Variants in BTBD10 observed in about 807,000 individuals in gnomAD.
The protein encoded by BTBD10 is BTB/POZ domain-containing protein 10.
Under a neutral mutation model 53.2 loss-of-function variants are expected in BTBD10, and 21 were observed. The observed-to-expected ratio is 0.39, with a 90% CI of 0.28 to 0.57. The LOEUF is 0.57. Among genes scored for constraint, BTBD10 ranks in the 20% least tolerant of loss-of-function variants. The pLI, the probability that BTBD10 is intolerant of heterozygous loss-of-function variation, is 0.53. For missense variants in BTBD10, 360 were observed against 594.7 expected (o/e 0.61, Z 4.10); for synonymous variants, 149 against 192.7 (o/e 0.77, Z 1.88).
At chr11:13,460,494 GTAAA>G in intron 1 of BTBD10, among the ~76,000 whole-genome samples, 1 of 152,258 alleles carries the variant, frequency 6.6e-6, no homozygotes, top group East Asian at 1.9e-4. Flanking sequence ...ACATTAATGG[GTAAA>G]TGAGGCTTAA....
intron 1 of BTBD10, among the ~76,000 whole-genome samples, chr11:13,457,618 AAAG>A (rs1190932749): frequency 6.6e-6 from 1 of 152,230 alleles, no homozygotes; most frequent in Non-Finnish European, 1.5e-5. Context: ...AAAGTATAAA[AAAG>A]ACATTAATCA....
intron 5 of BTBD10, 25 bp from the exon 6 acceptor site, chr11:13,413,675 C>A: frequency 6.3e-7 from 1 of 1,595,650 alleles, no homozygotes; most frequent in Non-Finnish European, 8.5e-7. Flanking sequence ...GTAAAGAAAG[C>A]ATAAAATATC....
rs549970056 is a variant in BTBD10, at chr11:13,396,025, CT to C, written c.1118-6885del. 3.3e-3 allele frequency among the ~76,000 whole-genome samples: 507 copies of C among 152,140 alleles called. 4 individuals are homozygous for C. The highest frequency in any genetic ancestry group is 0.011 in the African/African-American group (459 of 41,512). ...TAGGATTGACTTGGCAATGCGGGCT[CT>C]TTTTTGGTTCCATATGAACTTTAAA... On this transcript the variant is annotated intron_variant, in intron 8 of 8. Coordinates refer to ENST00000278174, the MANE Select transcript of BTBD10 (RefSeq NM_032320.7).
intron 8 of BTBD10, among the ~76,000 whole-genome samples, chr11:13,389,626 C>T (rs557031293): frequency 6.6e-6 from 1 of 152,218 alleles, no homozygotes; most frequent in African/African-American, 2.4e-5. Context: ...GGGGGTTTCA[C>T]CACGTTGCCC....
intron 5 of BTBD10, among the ~76,000 whole-genome samples, chr11:13,414,049 A>G (rs1269918737): frequency 6.6e-6 from 1 of 152,206 alleles, no homozygotes. Context: ...AAATTGAATG[A>G]TATGTTATCT....
chr11:13,406,312 G>A (rs1425857480), intron 6 of BTBD10, among the ~76,000 whole-genome samples: 2 of 152,124 alleles, frequency 1.3e-5, no homozygotes, highest in Non-Finnish European at 2.9e-5. Flanking sequence ...GAATTCCACA[G>A]CAAACTTGAT....
chr11:13,420,734 C>T (rs1368589185), intron 3 of BTBD10, among the ~76,000 whole-genome samples: 1 of 152,080 alleles, frequency 6.6e-6, no homozygotes, highest in African/African-American at 2.4e-5. Context: ...CCTTTTATTG[C>T]CTGTTTCTAC....
intron 8 of BTBD10, among the ~76,000 whole-genome samples, chr11:13,401,080 A>G (rs536947202): frequency 1.4e-4 from 21 of 151,520 alleles, no homozygotes; most frequent in African/African-American, 3.6e-4. Context: ...AAATATTTTT[A>G]GAGCTGCATA....
chr11:13,436,928 G>A (rs979938991), intron 2 of BTBD10, among the ~76,000 whole-genome samples: 6 of 152,106 alleles, frequency 3.9e-5, no homozygotes, highest in South Asian at 2.1e-4. Context: ...GATTACAGGC[G>A]TGCACCAACA....
At chr11:13,445,393 C>T (rs1320312628) in intron 1 of BTBD10, among the ~76,000 whole-genome samples, 6 of 152,120 alleles carry the variant, frequency 3.9e-5, no homozygotes, top group Non-Finnish European at 7.4e-5. Context: ...AAATCTGCTA[C>T]CACTATGTAA....
chr11:13,440,688 C>T (rs530393102), intron 2 of BTBD10, among the ~76,000 whole-genome samples: 3 of 152,240 alleles, frequency 2.0e-5, no homozygotes, highest in South Asian at 2.1e-4. Context: ...AACGAGCATG[C>T]GTACTTCCAT....
chr11:13,444,904 A>G, intron 2 of BTBD10, 120 bp downstream of exon 2: 1 of 588,354 alleles, frequency 1.7e-6, no homozygotes, highest in East Asian at 2.9e-5. Flanking sequence ...AAACATTCAC[A>G]ACGTTTTGTA....
intron 5 of BTBD10, 108 bp from the exon 6 acceptor site, chr11:13,413,758 G>C (rs1490264401): frequency 9.6e-6 from 10 of 1,044,288 alleles, no homozygotes; most frequent in Non-Finnish European, 3.9e-6. Context: ...AGAGAACTCT[G>C]ACATCTCTGA....
In BTBD10 at chr11:13,422,474, C is replaced by G. The variant is rs962702870; in HGVS notation, c.102-636G>C. On this transcript the variant is annotated intron_variant, in intron 2 of 8. Coordinates refer to ENST00000278174, the MANE Select transcript of BTBD10 (RefSeq NM_032320.7). Reference sequence around the variant, plus strand: ...ACCAGCCTGGCCAACATGGCAAAACCCTGTCTCTACTAAAAACACAAAAAT... The same window carrying G: ...ACCAGCCTGGCCAACATGGCAAAACGCTGTCTCTACTAAAAACACAAAAAT... Among the ~76,000 whole-genome samples, 11 of 152,138 alleles carry G rather than the reference C, an allele frequency of 7.2e-5. No homozygotes were observed. In the East Asian group the frequency reaches 9.7e-4, roughly 13 times the overall value.
chr11:13,430,864 A>C (rs1950433799), intron 2 of BTBD10, among the ~76,000 whole-genome samples: 1 of 152,026 alleles, frequency 6.6e-6, no homozygotes, highest in East Asian at 1.9e-4. Flanking sequence ...GTTTCACAAG[A>C]AAGGGGTATA....
In BTBD10 at chr11:13,406,041, C is replaced by T. The variant is rs73423561; in HGVS notation, c.809-185G>A. 6.7e-3 allele frequency among the ~76,000 whole-genome samples: 1,019 copies of T among 152,240 alleles called. 9 individuals are homozygous for T. Among genetic ancestry groups the T allele is most frequent in the African/African-American group, 0.024 (983 of 41,552 alleles). On this transcript the variant is annotated intron_variant, in intron 6 of 8. Transcript: ENST00000278174. ...CAAAGTCAGAATTAAAACCCTATCC[C>T]TAGCCTAGCGTATTTTTCACTATAC...
chr11:13,388,693 A>T lies in BTBD10; in HGVS notation c.*138T>A. ...AACCATTCAGCTACCTTTGGTCTTT[A>T]AAAAAGCCTACACTGCAATATCCTA... On this transcript the variant is annotated 3_prime_UTR_variant, in exon 9 of 9. Transcript: ENST00000278174. 1.0e-6 allele frequency: 1 copy of T among 955,582 alleles called. No homozygotes were observed. The highest frequency in any genetic ancestry group is 1.9e-5 in the South Asian group (1 of 52,100). 59.2% of individuals were successfully genotyped at this position (955,582 alleles called of 1,614,324 possible).
chr11:13,404,742 A>G (rs1949781134), intron 7 of BTBD10: 1 of 292,254 alleles, frequency 3.4e-6, no homozygotes, highest in African/African-American at 2.3e-5. Context: ...TGCAAAAGAA[A>G]TATCTCAATG....
intron 8 of BTBD10, among the ~76,000 whole-genome samples, chr11:13,399,242 G>A (rs897014949): frequency 5.3e-5 from 8 of 152,024 alleles, no homozygotes; most frequent in South Asian, 2.1e-4. Context: ...GGCTTTGTTC[G>A]TTTCTTTTTA....
Sources: gnomAD v4.1 joint callset for allele counts (sites outside exome capture counted in the v4.1 genomes callset) on GRCh38, gnomAD v4.1.1 for gene constraint, MANE v1.5 for transcripts, NCBI Gene and HGNC (gene_info 2026-07-23, HGNC 2026-07-21) for gene names.